The following DUS2 variants were observed in gnomAD, a reference collection of about 807,000 sequenced individuals.
DUS2 encodes dihydrouridine synthase 2, also known as tRNA-dihydrouridine(20) synthase [NAD(P)+]-like.
Under a neutral mutation model 71.3 loss-of-function variants are expected in DUS2, and 52 were observed. That is an observed-to-expected ratio of 0.73 (90% CI 0.58 to 0.92). The LOEUF (loss-of-function observed/expected upper bound fraction) is 0.92, where lower values mean the gene tolerates loss of function less well. DUS2 is among the 40% of genes least tolerant of loss of function. The pLI, the probability that DUS2 is intolerant of heterozygous loss-of-function variation, is 0.00. For missense variants in DUS2, 558 were observed against 622.6 expected (o/e 0.90, Z 1.10); for synonymous variants, 204 against 227.8 (o/e 0.90, Z 0.94).
At chr16:68,061,030 C>T (rs891040482) in intron 7 of DUS2, 36 bp from the exon 8 acceptor site, 1 of 1,608,534 alleles carries the variant, frequency 6.2e-7, no homozygotes, top group Non-Finnish European at 8.5e-7. Flanking sequence ...TAGTGTCTCC[C>T]AGATGTAAGA....
chr16:68,040,442 G>A (rs1336797972), intron 3 of DUS2, among the ~76,000 whole-genome samples: 1 of 152,176 alleles, frequency 6.6e-6, no homozygotes, highest in African/African-American at 2.4e-5. Flanking sequence ...GATTACTTCA[G>A]TATGTGACCC....
At chr16:68,040,745 G>T (rs1465514707) in intron 3 of DUS2, among the ~76,000 whole-genome samples, 2 of 151,826 alleles carry the variant, frequency 1.3e-5, no homozygotes, top group Non-Finnish European at 2.9e-5. Flanking sequence ...TGAGTGTGGT[G>T]TCAGCGCCCC....
chr16:68,037,756 C>T (rs537829528), intron 2 of DUS2, among the ~76,000 whole-genome samples: 17 of 152,048 alleles, frequency 1.1e-4, no homozygotes, highest in African/African-American at 2.2e-4. Flanking sequence ...AAAAATTAGC[C>T]GGTCGTGGTG....
At chr16:68,032,931 AGGG>A (rs2033462142) in intron 2 of DUS2, among the ~76,000 whole-genome samples, 1 of 148,672 alleles carries the variant, frequency 6.7e-6, no homozygotes. Flanking sequence ...AAAAAAAAAA[AGGG>A]AATGCCAGGG....
At chr16:68,053,448 T>A (rs998913450) in intron 4 of DUS2, 116 bp from the exon 5 acceptor site, 88 of 910,208 alleles carry the variant, frequency 9.7e-5, no homozygotes, top group Non-Finnish European at 2.5e-5. Context: ...TGGTATACAT[T>A]TAGGATCTCT....
At position 68,079,278 on chromosome 16, in the gene DUS2, C is replaced by A; in HGVS notation, c.*292C>A. 1 of 263,918 alleles carries A rather than the reference C, an allele frequency of 3.8e-6. No individual in the cohort carries two copies. Among genetic ancestry groups the A allele is most frequent in the Non-Finnish European group, 7.1e-6 (1 of 140,226 alleles). The allele number at this position is 263,918 out of a possible 1,614,324, so 16.3% of individuals were successfully genotyped here. ...CTGTGCAATAAAGACACCCCCTACCCTCACCCACGGCTGGCTGCTTCAGCC... is the reference window on the plus strand; with the variant it reads ...CTGTGCAATAAAGACACCCCCTACCATCACCCACGGCTGGCTGCTTCAGCC... On this transcript the variant is annotated 3_prime_UTR_variant, in exon 17 of 17. Coordinates refer to ENST00000565263, the MANE Select transcript of DUS2 (RefSeq NM_017803.5).
chr16:68,029,313 T>G (rs2033404146), intron 2 of DUS2, among the ~76,000 whole-genome samples: 1 of 152,196 alleles, frequency 6.6e-6, no homozygotes, highest in African/African-American at 2.4e-5. Context: ...TGTTTTTAAT[T>G]TTTATTTTTA....
intron 10 of DUS2, 130 bp from the exon 11 acceptor site, chr16:68,070,004 T>C (rs1484170003): frequency 5.4e-6 from 4 of 740,140 alleles, no homozygotes; most frequent in Non-Finnish European, 9.4e-6. Context: ...CTGTCCTTGA[T>C]TGCCATATGG....
intron 7 of DUS2, among the ~76,000 whole-genome samples, chr16:68,059,888 C>G (rs568267467): frequency 6.6e-6 from 1 of 152,262 alleles, no homozygotes; most frequent in South Asian, 2.1e-4. Context: ...GCAGGAAAAT[C>G]ACCAGTAACT....
chr16:68,029,681 A>G (rs951812284), intron 2 of DUS2, among the ~76,000 whole-genome samples: 3 of 152,082 alleles, frequency 2.0e-5, no homozygotes, highest in Non-Finnish European at 4.4e-5. Flanking sequence ...TACTGAGCTC[A>G]GGTAATCTGC....
intron 12 of DUS2, 64 bp from the exon 13 acceptor site, chr16:68,073,970 C>T: frequency 1.9e-6 from 3 of 1,599,386 alleles, no homozygotes; most frequent in Non-Finnish European, 1.7e-6. Flanking sequence ...CTTTCCCTGC[C>T]ATCAGAGCAT....
At chr16:68,049,210 T>C (rs1456135694) in intron 3 of DUS2, among the ~76,000 whole-genome samples, 1 of 152,204 alleles carries the variant, frequency 6.6e-6, no homozygotes, top group African/African-American at 2.4e-5. Context: ...GAGGAAATTT[T>C]CCAAGTGAAT....
Position 68,076,736 on chromosome 16 carries a change from G to T in DUS2, c.1170+17G>T. ...TATGAAACGGTGAGTTCCTGGCTGT[G>T]GCCTGCCCTGCAGCCAGTCACAGCA... On this transcript the variant is annotated intron_variant, in intron 15 of 16. Transcript: ENST00000565263. 1.2e-6 allele frequency: 2 copies of T among 1,605,384 alleles called. No homozygotes were observed.
intron 12 of DUS2, among the ~76,000 whole-genome samples, chr16:68,071,672 C>G (rs2034089069): frequency 7.0e-6 from 1 of 142,082 alleles, no homozygotes; most frequent in South Asian, 2.2e-4. Flanking sequence ...GGGTCTTGCT[C>G]TGTTGCCCAG....
intron 11 of DUS2, 70 bp downstream of exon 11, chr16:68,070,290 G>A (rs2034065977): frequency 1.4e-6 from 2 of 1,476,558 alleles, no homozygotes; most frequent in Admixed American, 1.7e-5. Context: ...GCCAGGCCCA[G>A]CCTTCCCTAG....
At chr16:68,035,892 A>T (rs1479891259) in intron 2 of DUS2, among the ~76,000 whole-genome samples, 5 of 3,862 alleles carry the variant, frequency 1.3e-3, no homozygotes, top group African/African-American at 1.4e-3. Context: ...TTTTATATAT[A>T]TATATATATA....
chr16:68,073,828 G>A (rs1311266242), intron 12 of DUS2, among the ~76,000 whole-genome samples: 7 of 152,050 alleles, frequency 4.6e-5, no homozygotes, highest in Admixed American at 2.0e-4. Context: ...GCCTCAAGCA[G>A]TCCTCCTGCA....
rs1418619264 is a variant in DUS2, at chr16:68,079,106, T to C, written c.*120T>C. ...GGTCTTGCCTGGCAGAAGTTAGATG[T>C]CCTGGCAGGGGCCATCAGCCTAGAG... On this transcript the variant is annotated 3_prime_UTR_variant, in exon 17 of 17. Transcript: ENST00000565263. 6 of 971,234 alleles carry C rather than the reference T, an allele frequency of 6.2e-6. 1 individual carries two copies. In the Admixed American group the frequency reaches 1.1e-4, roughly 18 times the overall value. 60.2% of individuals were successfully genotyped at this position (971,234 alleles called of 1,614,324 possible). A position where few individuals can be genotyped will look rare whatever the true frequency, so the allele number is the denominator to read the frequency against.
chr16:68,062,770 G>C (rs8051236), intron 8 of DUS2, among the ~76,000 whole-genome samples: 4,691 of 149,970 alleles, frequency 0.031, 238 homozygotes, highest in African/African-American at 0.11. Context: ...GGCAGGCAGA[G>C]CCAGCTTGTG....
Sources: gnomAD v4.1 joint callset for allele counts (sites outside exome capture counted in the v4.1 genomes callset) on GRCh38, gnomAD v4.1.1 for gene constraint, MANE v1.5 for transcripts, NCBI Gene and HGNC (gene_info 2026-07-23, HGNC 2026-07-21) for gene names.